The following LGSN variants were observed in gnomAD, a reference collection of about 807,000 sequenced individuals.
The protein encoded by LGSN is lengsin, lens protein with glutamine synthetase domain, also known as lengsin.
In LGSN, 21 loss-of-function variants were observed where a neutral mutation model predicts 19.5. That is an observed-to-expected ratio of 1.07 (90% confidence interval 0.76 to 1.55). The LOEUF (loss-of-function observed/expected upper bound fraction) is 1.55. LGSN is among the 40% of genes most tolerant of loss of function. The pLI is 0.00. For missense variants in LGSN, 673 were observed against 608.5 expected (o/e 1.11, Z -1.12); for synonymous variants, 257 against 215.6 (o/e 1.19, Z -1.68).
chr6:63,353,061 G>C, the LGSN span, among the ~76,000 whole-genome samples: 7 of 152,110 alleles, frequency 4.6e-5, no homozygotes. Flanking sequence ...AATCTAAAAA[G>C]CCATTTTAGG....
intron 1 of LGSN, among the ~76,000 whole-genome samples, chr6:63,319,146 T>C (rs1249586492): frequency 6.6e-6 from 1 of 152,198 alleles, no homozygotes; most frequent in East Asian, 1.9e-4. Context: ...TCTTAGATGT[T>C]AGCTATCTTC....
intron 1 of LGSN, among the ~76,000 whole-genome samples, chr6:63,310,858 G>C (rs1007983957): frequency 6.6e-6 from 1 of 152,204 alleles, no homozygotes; most frequent in African/African-American, 2.4e-5. Context: ...GGCATGAGCA[G>C]GAGCATCATC....
At chr6:63,529,095 A>C in the LGSN span, among the ~76,000 whole-genome samples, 1 of 149,206 alleles carries the variant, frequency 6.7e-6, no homozygotes, top group Non-Finnish European at 1.5e-5. Flanking sequence ...ATCTCAAAAT[A>C]TATATATGTG....
chr6:63,536,141 G>A, the LGSN span, among the ~76,000 whole-genome samples: 1,180 of 152,140 alleles, frequency 7.8e-3, 19 homozygotes, highest in African/African-American at 0.027. Context: ...AGACCAGCCT[G>A]GCCAACAAGA....
chr6:63,464,122 T>A, the LGSN span, among the ~76,000 whole-genome samples: 1 of 149,554 alleles, frequency 6.7e-6, no homozygotes, highest in Admixed American at 6.8e-5. Context: ...TCTACTTTAG[T>A]CCATTTTTGA....
chr6:63,407,785 G>A, the LGSN span, among the ~76,000 whole-genome samples: 1 of 152,110 alleles, frequency 6.6e-6, no homozygotes, highest in Non-Finnish European at 1.5e-5. Flanking sequence ...AAACCCTATT[G>A]TCTCAGCCCA....
the LGSN span, among the ~76,000 whole-genome samples, chr6:63,551,289 T>C: frequency 6.6e-6 from 1 of 151,620 alleles, no homozygotes; most frequent in Non-Finnish European, 1.5e-5. Context: ...TGGTCTCGAA[T>C]TCCTGACCTC....
the LGSN span, among the ~76,000 whole-genome samples, chr6:63,326,270 G>A: frequency 1.3e-5 from 2 of 151,998 alleles, no homozygotes; most frequent in Admixed American, 6.6e-5. Context: ...GGTGCTGATT[G>A]GTGTGTTTAC....
upstream of LGSN, among the ~76,000 whole-genome samples, chr6:63,321,086 T>TC (rs1340399476): frequency 6.6e-6 from 1 of 152,130 alleles, no homozygotes; most frequent in East Asian, 1.9e-4. Flanking sequence ...CTCTTGAACC[T>TC]CCCCAAGAAA....
the LGSN span, among the ~76,000 whole-genome samples, chr6:63,338,698 A>G: frequency 3.0e-4 from 46 of 151,154 alleles, 2 homozygotes; most frequent in East Asian, 8.3e-3. Flanking sequence ...TTCTGTTCTG[A>G]TATTTATTAT....
At chr6:63,412,505 A>AGAAAGAAAGAAAGAAG in the LGSN span, among the ~76,000 whole-genome samples, 7 of 113,324 alleles carry the variant, frequency 6.2e-5, no homozygotes, top group Non-Finnish European at 1.0e-4. Flanking sequence ...AAAGAAAGAA[A>AGAAAGAAAGAAAGAAG]GAAAGAAAGA....
At chr6:63,345,039 A>C in the LGSN span, among the ~76,000 whole-genome samples, 2 of 151,228 alleles carry the variant, frequency 1.3e-5, no homozygotes, top group Non-Finnish European at 2.9e-5. Flanking sequence ...TAATTTCTAA[A>C]GGAAAATAAT....
chr6:63,406,826 T>C, the LGSN span, among the ~76,000 whole-genome samples: 1 of 147,030 alleles, frequency 6.8e-6, no homozygotes, highest in Non-Finnish European at 1.5e-5. Flanking sequence ...ATAGACGCAA[T>C]AAAAAATGAT....
At chr6:63,430,808 A>G in the LGSN span, among the ~76,000 whole-genome samples, 2 of 152,188 alleles carry the variant, frequency 1.3e-5, no homozygotes, top group East Asian at 1.9e-4. Context: ...AGCCATGTCA[A>G]TGTGAACAAA....
the LGSN span, among the ~76,000 whole-genome samples, chr6:63,562,072 T>A: frequency 6.6e-6 from 1 of 152,192 alleles, no homozygotes; most frequent in East Asian, 1.9e-4. Context: ...GTGACACCCA[T>A]AAAGTATTTA....
At chr6:63,340,932 T>A in the LGSN span, among the ~76,000 whole-genome samples, 1 of 152,156 alleles carries the variant, frequency 6.6e-6, no homozygotes, top group Non-Finnish European at 1.5e-5. Context: ...GATTGGTTTT[T>A]ATAGCGAAAG....
At chr6:63,325,568 T>C in the LGSN span, among the ~76,000 whole-genome samples, 2 of 152,112 alleles carry the variant, frequency 1.3e-5, no homozygotes, top group Admixed American at 6.5e-5. Flanking sequence ...AACAAACCAA[T>C]AATGAGTAGC....
intron 1 of LGSN, among the ~76,000 whole-genome samples, chr6:63,311,043 C>CTTGACTGGTCCACTTTTGCT: frequency 6.6e-6 from 1 of 152,230 alleles, no homozygotes; most frequent in South Asian, 2.1e-4. Flanking sequence ...GACGTTTGCT[C>CTTGACTGGTCCACTTTTGCT]TTGACTGGTC....
the LGSN span, among the ~76,000 whole-genome samples, chr6:63,343,674 G>T: frequency 5.3e-5 from 8 of 152,182 alleles, no homozygotes; most frequent in African/African-American, 1.9e-4. Context: ...GATCCCCCAA[G>T]ATTTCCTTCC....
Sources: gnomAD v4.1 joint callset for allele counts (sites outside exome capture counted in the v4.1 genomes callset) on GRCh38, gnomAD v4.1.1 for gene constraint, MANE v1.5 for transcripts, NCBI Gene and HGNC (gene_info 2026-07-23, HGNC 2026-07-21) for gene names.